The following APBB2 variants were observed in gnomAD, a reference collection of about 807,000 sequenced individuals.
APBB2 encodes Fe65-like 1.
A neutral mutation model predicts 82.5 loss-of-function variants in APBB2; 38 were observed. The ratio of observed to expected loss-of-function variants is 0.46; its 90% CI spans 0.36 to 0.60. APBB2 has a LOEUF of 0.60. Among genes scored for constraint, APBB2 ranks in the 20% least tolerant of loss-of-function variants. APBB2 has a pLI of 0.00. For synonymous variants in APBB2, 341 were observed against 368.2 expected (o/e 0.93, Z 0.85); for missense variants, 772 against 972.3 (o/e 0.79, Z 2.74).
intron 6 of APBB2, among the ~76,000 whole-genome samples, chr4:40,968,964 G>A (rs750712520): frequency 8.5e-5 from 13 of 152,128 alleles, no homozygotes; most frequent in Admixed American, 2.6e-4. Flanking sequence ...ACAAGGTCTG[G>A]TGGTTTTATA....
intron 1 of APBB2, among the ~76,000 whole-genome samples, chr4:41,166,675 C>A (rs1766734261): frequency 6.6e-6 from 1 of 152,020 alleles, no homozygotes; most frequent in East Asian, 1.9e-4. Flanking sequence ...GCAGGCGGAT[C>A]ATTTAAGGTC....
intron 12 of APBB2, among the ~76,000 whole-genome samples, chr4:40,886,725 G>C (rs985978374): frequency 6.6e-6 from 1 of 152,164 alleles, no homozygotes; most frequent in Non-Finnish European, 1.5e-5. Context: ...AGTCGCCAAG[G>C]GCAGAAATGC....
At chr4:40,962,780 T>TCACC (rs1465997105) in intron 6 of APBB2, among the ~76,000 whole-genome samples, 1 of 152,102 alleles carries the variant, frequency 6.6e-6, no homozygotes, top group Non-Finnish European at 1.5e-5. Context: ...GGAGTACATA[T>TCACC]CACCATACAG....
At chr4:40,934,394 T>C (rs923999291) in intron 10 of APBB2, 62 bp downstream of exon 10, 4 of 1,513,896 alleles carry the variant, frequency 2.6e-6, no homozygotes, top group East Asian at 4.5e-5. Context: ...TGGACAATGA[T>C]CCAAAGTCAT....
chr4:40,844,309 G>C (rs933854736), intron 12 of APBB2, among the ~76,000 whole-genome samples: 1 of 152,184 alleles, frequency 6.6e-6, no homozygotes, highest in Non-Finnish European at 1.5e-5. Context: ...TCATTGAAGA[G>C]GGGATAAGGA....
intron 6 of APBB2, among the ~76,000 whole-genome samples, chr4:40,965,137 A>G (rs374007102): frequency 6.6e-6 from 1 of 152,070 alleles, no homozygotes; most frequent in Non-Finnish European, 1.5e-5. Flanking sequence ...TAAAAAAAAA[A>G]AAAAATGGTT....
chr4:41,039,628 G>A (rs1720572254), intron 4 of APBB2, among the ~76,000 whole-genome samples: 6 of 152,100 alleles, frequency 3.9e-5, no homozygotes, highest in Admixed American at 3.9e-4. Flanking sequence ...AAAGGCCTAG[G>A]CAGGCGGATT....
At chr4:41,112,785 C>G (rs985974213) in intron 2 of APBB2, among the ~76,000 whole-genome samples, 2 of 152,026 alleles carry the variant, frequency 1.3e-5, no homozygotes, top group Non-Finnish European at 2.9e-5. Flanking sequence ...GTCAGGAGTT[C>G]GAGACCAGCC....
Position 40,815,769 on chromosome 4 carries a change from G to A in APBB2, c.*323C>T, listed in dbSNP as rs1018351316. ...GCATCATTCATTCCAAGGACGCAGCGTTAGTTCACTAGGAGGGGTGGGGCC... is the reference window on the plus strand; with the variant it reads ...GCATCATTCATTCCAAGGACGCAGCATTAGTTCACTAGGAGGGGTGGGGCC... On this transcript the variant is annotated 3_prime_UTR_variant, in exon 18 of 18. Transcript: ENST00000508593. 10 of 265,766 alleles carry A rather than the reference G, an allele frequency of 3.8e-5. No homozygotes were observed. Among genetic ancestry groups the A allele is most frequent in the African/African-American group, 1.5e-4 (7 of 46,568 alleles). 16.5% of individuals were successfully genotyped at this position (265,766 alleles called of 1,614,324 possible).
At chr4:40,823,429 G>A (rs1488674362) in intron 16 of APBB2, among the ~76,000 whole-genome samples, 7 of 152,166 alleles carry the variant, frequency 4.6e-5, no homozygotes, top group Non-Finnish European at 1.0e-4. Context: ...GACAGAATCA[G>A]AAGCACCAGA....
intron 1 of APBB2, among the ~76,000 whole-genome samples, chr4:41,168,280 C>T (rs1310249820): frequency 2.7e-5 from 4 of 145,924 alleles, no homozygotes; most frequent in Non-Finnish European, 5.9e-5. Context: ...AGTGAGACAA[C>T]GTCTAAAAAC....
intron 1 of APBB2, among the ~76,000 whole-genome samples, chr4:41,174,685 G>A (rs1769281376): frequency 6.6e-6 from 1 of 152,160 alleles, no homozygotes; most frequent in Non-Finnish European, 1.5e-5. Flanking sequence ...CTCCAGTGTT[G>A]CTGATCTTGT....
At position 41,100,658 on chromosome 4, in the gene APBB2, C is replaced by T. The variant is rs1163009015; in HGVS notation, c.-168G>A. On this transcript the variant is annotated 5_prime_UTR_variant, in exon 3 of 18. Coordinates refer to ENST00000508593, the MANE Select transcript of APBB2 (RefSeq NM_004307.2). ...ACTTACTTTTCCCAGGTCTTTGGTA[C>T]AAAGCTCAGAAGGCAAGCTCCTTTT... The T allele has an allele frequency of 6.6e-6, 1 of 152,122 alleles. No homozygotes were observed. Among genetic ancestry groups the T allele is most frequent in the African/African-American group, 2.4e-5 (1 of 41,440 alleles). The allele number at this position is 152,122 out of a possible 1,614,324, so 9.4% of individuals were successfully genotyped here.
intron 12 of APBB2, among the ~76,000 whole-genome samples, chr4:40,886,903 A>G (rs1438824526): frequency 6.6e-6 from 1 of 152,156 alleles, no homozygotes. Flanking sequence ...CATTTACCTC[A>G]CTGATCAAAG....
chr4:41,124,114 C>A (rs765768182), intron 2 of APBB2, among the ~76,000 whole-genome samples: 2 of 152,170 alleles, frequency 1.3e-5, no homozygotes, highest in Non-Finnish European at 2.9e-5. Context: ...CAGCTGTGTT[C>A]CAATAAAACT....
chr4:41,040,461 A>T (rs1205001313), intron 4 of APBB2, among the ~76,000 whole-genome samples: 2 of 152,292 alleles, frequency 1.3e-5, no homozygotes, highest in East Asian at 3.9e-4. Context: ...CTTTGTAAGG[A>T]TTATCTAACT....
chr4:41,108,422 T>C (rs1748015460), intron 2 of APBB2, among the ~76,000 whole-genome samples: 1 of 151,902 alleles, frequency 6.6e-6, no homozygotes, highest in African/African-American at 2.4e-5. Context: ...GGTTCTCAGT[T>C]GGGAGGAAGA....
At chr4:41,110,622 A>G (rs984239354) in intron 2 of APBB2, among the ~76,000 whole-genome samples, 2 of 148,426 alleles carry the variant, frequency 1.3e-5, no homozygotes, top group East Asian at 3.9e-4. Context: ...AAAAAAAAAG[A>G]CCTCATTTTT....
intron 12 of APBB2, chr4:40,857,027 T>G: frequency 1.0e-6 from 1 of 985,576 alleles, no homozygotes; most frequent in Non-Finnish European, 1.2e-6. Flanking sequence ...CTTCCTCACC[T>G]TTGCCTCCCG....
Sources: allele counts gnomAD v4.1 joint callset (sites outside exome capture counted in the v4.1 genomes callset), GRCh38; gene constraint gnomAD v4.1.1; transcripts MANE v1.5; gene names NCBI Gene and HGNC (gene_info 2026-07-23, HGNC 2026-07-21).